The following RPRD2 variants were observed in gnomAD, a reference collection of about 807,000 sequenced individuals.
The protein encoded by RPRD2 is regulation of nuclear pre-mRNA domain containing 2, also known as regulation of nuclear pre-mRNA domain-containing protein 2.
RPRD2 carries 12 observed loss-of-function variants against 104.4 expected under a neutral mutation model. The observed-to-expected ratio is 0.11, with a 90% CI of 0.07 to 0.19. The LOEUF (loss-of-function observed/expected upper bound fraction) is 0.19. Ranked by LOEUF, RPRD2 falls within the 10% of genes least tolerant of loss-of-function variation. The pLI is 1.00. For synonymous variants in RPRD2, 714 were observed against 684.9 expected, an observed-to-expected ratio of 1.04 and a Z score of -0.66; for missense variants, 1,543 against 1,790.1, an observed-to-expected ratio of 0.86 and a Z score of 2.49.
At chr1:150,376,222 A>C (rs1660677116) in intron 1 of RPRD2, among the ~76,000 whole-genome samples, 1 of 152,160 alleles carries the variant, frequency 6.6e-6, no homozygotes, top group African/African-American at 2.4e-5. Flanking sequence ...TGTTTGATTG[A>C]GGCCTTGATC....
At chr1:150,393,454 C>CAAAAAAAAAAAAAAAAAAAAA (rs1203478537) in intron 1 of RPRD2, among the ~76,000 whole-genome samples, 1 of 59,536 alleles carries the variant, frequency 1.7e-5, no homozygotes, top group Non-Finnish European at 3.4e-5. Flanking sequence ...GACCCTGTCT[C>CAAAAAAAAAAAAAAAAAAAAA]AAAAAAAAAA....
chr1:150,398,354 G>A (rs1441148674), intron 1 of RPRD2, among the ~76,000 whole-genome samples: 14 of 151,786 alleles, frequency 9.2e-5, no homozygotes, highest in African/African-American at 2.2e-4. Context: ...CTGCCACCAC[G>A]CCTGGCTAAT....
intron 1 of RPRD2, among the ~76,000 whole-genome samples, chr1:150,395,329 T>C (rs1662417931): frequency 6.6e-6 from 1 of 151,948 alleles, no homozygotes; most frequent in Non-Finnish European, 1.5e-5. Flanking sequence ...GCTAATGCAA[T>C]TAATTCATTC....
At chr1:150,369,500 A>G (rs1402990581) in intron 1 of RPRD2, among the ~76,000 whole-genome samples, 1 of 115,306 alleles carries the variant, frequency 8.7e-6, no homozygotes, top group African/African-American at 3.3e-5. Flanking sequence ...TCTGTCGCCC[A>G]GGCTGGAGTG....
intron 1 of RPRD2, among the ~76,000 whole-genome samples, chr1:150,396,112 CAT>C (rs1662499723): frequency 6.6e-6 from 1 of 151,018 alleles, no homozygotes; most frequent in South Asian, 2.1e-4. Context: ...AGCATTTTTT[CAT>C]ATGTTTGTTT....
intron 1 of RPRD2, among the ~76,000 whole-genome samples, chr1:150,394,296 C>T (rs1194017572): frequency 2.0e-5 from 3 of 152,026 alleles, no homozygotes; most frequent in Non-Finnish European, 4.4e-5. Flanking sequence ...GTGATCCGCC[C>T]GCCTCAGCCT....
rs372592603 is a variant in RPRD2, at chr1:150,392,111, G to A, written c.206-25485G>A. Among the ~76,000 whole-genome samples, 16 of 150,350 alleles carry A rather than the reference G, an allele frequency of 1.1e-4. No individual in the cohort carries two copies. The East Asian group carries it at 2.6e-3, about 24-fold the overall frequency. On this transcript the variant is annotated intron_variant, in intron 1 of 10. Coordinates refer to ENST00000369068, the MANE Select transcript of RPRD2 (RefSeq NM_015203.5). The stretch of plus-strand genomic sequence containing the variant: ...GCTACTCGGGAGAATCGCTTGAACC[G>A]GGAGGCGGAGGTTGCAGTGAGCCAG...
chr1:150,381,314 C>G (rs1318448751), intron 1 of RPRD2, among the ~76,000 whole-genome samples: 1 of 151,552 alleles, frequency 6.6e-6, no homozygotes, highest in Non-Finnish European at 1.5e-5. Context: ...CCTAGCTACT[C>G]AGGAGCCTGA....
At chr1:150,404,521 A>G (rs587756352) in intron 1 of RPRD2, among the ~76,000 whole-genome samples, 2 of 152,200 alleles carry the variant, frequency 1.3e-5, no homozygotes, top group African/African-American at 4.8e-5. Context: ...AAGTGCTAGG[A>G]TTACAGGTGT....
rs1570813724 is a variant in RPRD2 at position 150,473,902 on chromosome 1, C to T, written c.*568C>T. 1 of 152,124 alleles carries T rather than the reference C, an allele frequency of 6.6e-6. No homozygotes were observed. 9.4% of individuals were successfully genotyped at this position (152,124 alleles called of 1,614,324 possible). A position where few individuals can be genotyped will look rare whatever the true frequency, so the allele number is the denominator to read the frequency against. On this transcript the variant is annotated 3_prime_UTR_variant, in exon 11 of 11. Transcript: ENST00000369068. ...GAAATGTGAGAGACCTTGAACCTGTCAGGTTTATTTGTTTTGTTTTTAAAG... is the reference window on the plus strand; with the variant it reads ...GAAATGTGAGAGACCTTGAACCTGTTAGGTTTATTTGTTTTGTTTTTAAAG...
At chr1:150,452,692 G>A (rs1197269391) in intron 7 of RPRD2, among the ~76,000 whole-genome samples, 5 of 96,132 alleles carry the variant, frequency 5.2e-5, no homozygotes, top group Non-Finnish European at 5.8e-5. Context: ...TTTTTGAGAC[G>A]AACTTTCCAC....
intron 7 of RPRD2, among the ~76,000 whole-genome samples, chr1:150,453,081 G>A (rs1479650842): frequency 1.3e-5 from 2 of 150,130 alleles, no homozygotes; most frequent in East Asian, 3.9e-4. Flanking sequence ...TGCCCAGGCT[G>A]GAGCGCGGTG....
intron 1 of RPRD2, among the ~76,000 whole-genome samples, chr1:150,390,625 A>G (rs1273611898): frequency 1.3e-5 from 2 of 152,214 alleles, no homozygotes; most frequent in African/African-American, 4.8e-5. Flanking sequence ...CCAAAGAGAA[A>G]TGTTAGAAAT....
At chr1:150,372,546 G>T (rs1660396294) in intron 1 of RPRD2, among the ~76,000 whole-genome samples, 1 of 148,104 alleles carries the variant, frequency 6.8e-6, no homozygotes, top group Non-Finnish European at 1.5e-5. Context: ...TCTAGTAAGG[G>T]GAGACAGACA....
chr1:150,385,609 C>T (rs587634240), intron 1 of RPRD2, among the ~76,000 whole-genome samples: 2 of 152,192 alleles, frequency 1.3e-5, no homozygotes, highest in Non-Finnish European at 2.9e-5. Context: ...AAATCATTAG[C>T]TCCTACTGGC....
At position 150,464,632 on chromosome 1, in the gene RPRD2, C is replaced by A. The variant is rs782429481; in HGVS notation, c.1517C>A (p.Pro506His). Reference protein sequence around the residue: ...PAPATTTSHNPLANILSKVEI... With the variant: ...PAPATTTSHNHLANILSKVEI... ...CCTGCCACGACAACATCTCACAACC[C>A]TCTGGCAAATATCCTCTCCAAGGTG... is the stretch of plus-strand genomic sequence containing the variant. Residue 506 changes from proline (P) to histidine (H), a missense_variant, in exon 10 of 11, where the codon CCT becomes CAT. By Grantham distance (77) the Pro-to-His change is moderately conservative. This residue lies in a region of RPRD2 where 572 missense variants were observed against 787.3 expected (regional missense o/e 0.73). Coordinates refer to ENST00000369068, the MANE Select transcript of RPRD2 (RefSeq NM_015203.5). 2.0e-5 allele frequency: 33 copies of A among 1,612,372 alleles called. No individual in the cohort carries two copies. Among genetic ancestry groups the A allele is most frequent in the Non-Finnish European group, 2.7e-5 (32 of 1,179,298 alleles).
chr1:150,415,224 C>T (rs1553888344), intron 1 of RPRD2, among the ~76,000 whole-genome samples: 1 of 151,738 alleles, frequency 6.6e-6, no homozygotes, highest in East Asian at 1.9e-4. Context: ...CCAGCTACTT[C>T]GGGAGGCTAA....
intron 1 of RPRD2, among the ~76,000 whole-genome samples, chr1:150,384,513 C>G (rs1661409281): frequency 6.8e-6 from 1 of 147,486 alleles, no homozygotes; most frequent in South Asian, 2.1e-4. Flanking sequence ...CTCTTGTTGC[C>G]CAGGCTGGAG....
intron 8 of RPRD2, among the ~76,000 whole-genome samples, chr1:150,458,462 A>G (rs1667697217): frequency 1.3e-5 from 2 of 152,060 alleles, no homozygotes; most frequent in South Asian, 4.1e-4. Context: ...TCCAAAAAAA[A>G]AAAACCAGAC....
Sources: gnomAD v4.1 joint callset for allele counts (sites outside exome capture counted in the v4.1 genomes callset) on GRCh38, gnomAD v4.1.1 for gene constraint, gnomAD v4.1.1 regional missense constraint, MANE v1.5 for transcripts, NCBI Gene and HGNC (gene_info 2026-07-23, HGNC 2026-07-21) for gene names.